DIP2C: variants seen among roughly 807,000 people sequenced by gnomAD.
DIP2C encodes the protein DIP2 acetate--CoA ligase C (putative).
A neutral mutation model predicts 192.4 loss-of-function variants in DIP2C; 33 were observed. The ratio of observed to expected loss-of-function variants is 0.17; its 90% CI spans 0.13 to 0.23. The LOEUF (loss-of-function observed/expected upper bound fraction) is 0.23, where lower values mean the gene tolerates loss of function less well. Among genes scored for constraint, DIP2C ranks in the 10% least tolerant of loss-of-function variants. The pLI is 1.00. For missense variants in DIP2C, 1,537 were observed against 2,110.1 expected, an observed-to-expected ratio of 0.73 and a Z score of 5.32; for synonymous variants, 979 against 864.1, an observed-to-expected ratio of 1.13 and a Z score of -2.33.
At chr10:617,471 C>T (rs188893073) in intron 1 of DIP2C, among the ~76,000 whole-genome samples, 3 of 152,304 alleles carry the variant, frequency 2.0e-5, no homozygotes, top group Admixed American at 6.5e-5. Context: ...GGGACCCTAG[C>T]CGTGTTGCCC....
chr10:544,235 T>C (rs777204876), intron 1 of DIP2C, among the ~76,000 whole-genome samples: 5 of 152,234 alleles, frequency 3.3e-5, no homozygotes, highest in African/African-American at 4.8e-5. Flanking sequence ...CCTTTGGTGC[T>C]GGCATCTTTC....
chr10:488,070 G>C (rs942972914), intron 1 of DIP2C, among the ~76,000 whole-genome samples: 1 of 152,206 alleles, frequency 6.6e-6, no homozygotes, highest in Admixed American at 6.5e-5. Context: ...ACATGTGCAC[G>C]TGCTTGATTT....
chr10:356,601 G>C, intron 23 of DIP2C, 95 bp from the exon 24 acceptor site: 1 of 1,018,886 alleles, frequency 9.8e-7, no homozygotes. Context: ...ACCCATAGAG[G>C]CTGAGTGCTT....
At chr10:564,879 C>T (rs1166189021) in intron 1 of DIP2C, among the ~76,000 whole-genome samples, 2 of 152,192 alleles carry the variant, frequency 1.3e-5, no homozygotes, top group Non-Finnish European at 2.9e-5. Context: ...TCCTAGAAGA[C>T]TCACACACAC....
intron 29 of DIP2C, among the ~76,000 whole-genome samples, chr10:338,113 AATT>A (rs1435202880): frequency 6.6e-6 from 1 of 152,226 alleles, no homozygotes; most frequent in African/African-American, 2.4e-5. Context: ...AAAGGAGATA[AATT>A]ATTTTTGTAT....
At chr10:430,093 T>C (rs988334341) in intron 4 of DIP2C, 1 of 152,230 alleles carries the variant, frequency 6.6e-6, no homozygotes, top group Non-Finnish European at 1.5e-5. Flanking sequence ...AATAGGTGTA[T>C]AGTGGTGTCT....
At position 281,192 on chromosome 10, in the gene DIP2C, C is replaced by A. The variant is rs371603541; in HGVS notation, c.4418+8G>T. ...GATTTGGGTACAAGCTGCAAGCTCA[C>A]GACTTACCATTCCGTAACGCTTTTA... is the stretch of plus-strand genomic sequence containing the variant. On this transcript the variant is annotated splice_region_variant and intron_variant, in intron 36 of 36. Transcript: ENST00000280886. 3 of 1,613,772 alleles carry A rather than the reference C, an allele frequency of 1.9e-6. No individual in the cohort carries two copies. Among genetic ancestry groups the A allele is most frequent in the East Asian group, 2.2e-5 (1 of 44,874 alleles).
At chr10:346,285 G>C (rs1295917322) in intron 26 of DIP2C, among the ~76,000 whole-genome samples, 1 of 66,804 alleles carries the variant, frequency 1.5e-5, no homozygotes, top group East Asian at 4.6e-4. Flanking sequence ...GACACATCGC[G>C]CATAGTTCTC....
chr10:449,690 G>A (rs1444696286), intron 3 of DIP2C, among the ~76,000 whole-genome samples: 7 of 150,296 alleles, frequency 4.7e-5, no homozygotes, highest in East Asian at 3.9e-4. Context: ...TAGATGACAC[G>A]TTGGTGGGTG....
intron 1 of DIP2C, among the ~76,000 whole-genome samples, chr10:581,932 G>C (rs749109335): frequency 6.6e-6 from 1 of 152,072 alleles, no homozygotes; most frequent in Non-Finnish European, 1.5e-5. Flanking sequence ...AATTTTTCTG[G>C]GGGGTGGTTT....
intron 1 of DIP2C, among the ~76,000 whole-genome samples, chr10:594,090 C>T (rs759545867): frequency 6.6e-6 from 1 of 152,200 alleles, no homozygotes; most frequent in African/African-American, 2.4e-5. Context: ...GATCCTCAGA[C>T]GTTTACGCAG....
chr10:410,204 A>G (rs1008332235), intron 8 of DIP2C, among the ~76,000 whole-genome samples: 1 of 152,252 alleles, frequency 6.6e-6, no homozygotes, highest in African/African-American at 2.4e-5. Flanking sequence ...GAACGTGAAG[A>G]GAATGATTAT....
chr10:336,203 T>C (rs1034798618), intron 29 of DIP2C, among the ~76,000 whole-genome samples: 2 of 151,910 alleles, frequency 1.3e-5, no homozygotes, highest in African/African-American at 4.8e-5. Flanking sequence ...ACGCCATCTC[T>C]AAAAAAAAAT....
intron 3 of DIP2C, among the ~76,000 whole-genome samples, chr10:467,384 G>T (rs1970294159): frequency 6.8e-6 from 1 of 146,656 alleles, no homozygotes; most frequent in East Asian, 2.0e-4. Flanking sequence ...ACTGTGGTGG[G>T]GTGGGGGGAG....
At chr10:476,253 G>A (rs939671902) in intron 2 of DIP2C, among the ~76,000 whole-genome samples, 6 of 152,176 alleles carry the variant, frequency 3.9e-5, no homozygotes, top group African/African-American at 1.4e-4. Flanking sequence ...CCTCCCAGGA[G>A]CACCTGCTCA....
intron 36 of DIP2C, among the ~76,000 whole-genome samples, chr10:280,261 C>T (rs1474722891): frequency 6.6e-6 from 1 of 152,162 alleles, no homozygotes; most frequent in East Asian, 1.9e-4. Context: ...TCTCAGCTAG[C>T]TAAGAGGAGG....
chr10:603,260 C>G (rs1410803042), intron 1 of DIP2C, among the ~76,000 whole-genome samples: 2 of 126,894 alleles, frequency 1.6e-5, no homozygotes, highest in Admixed American at 9.7e-5. Context: ...GGCTGCGCCA[C>G]TGTACTCCAA....
At chr10:546,893 T>C (rs187533059) in intron 1 of DIP2C, among the ~76,000 whole-genome samples, 6 of 152,352 alleles carry the variant, frequency 3.9e-5, no homozygotes, top group Admixed American at 2.6e-4. Context: ...ATGGCTATCA[T>C]TGGGAATAAC....
chr10:609,880 TTCAC>T (rs1310023975), intron 1 of DIP2C, among the ~76,000 whole-genome samples: 20 of 152,034 alleles, frequency 1.3e-4, no homozygotes, highest in South Asian at 2.1e-4. Flanking sequence ...AACCCAAGCG[TTCAC>T]TCAAAGCCCC....
Sources: gnomAD v4.1 joint callset for allele counts (sites outside exome capture counted in the v4.1 genomes callset) on GRCh38, gnomAD v4.1.1 for gene constraint, MANE v1.5 for transcripts, NCBI Gene and HGNC (gene_info 2026-07-23, HGNC 2026-07-21) for gene names.